Variants in IQSEC3 observed in about 807,000 individuals in gnomAD.
IQSEC3 encodes IQ motif and SEC7 domain-containing protein 3.
IQSEC3 carries 50 observed loss-of-function variants against 105.4 expected under a neutral mutation model. The ratio of observed to expected loss-of-function variants is 0.47; its 90% CI spans 0.38 to 0.60. IQSEC3 has a LOEUF of 0.60. Ranked by LOEUF, IQSEC3 falls within the 20% of genes least tolerant of loss-of-function variation. The pLI, the probability that IQSEC3 is intolerant of heterozygous loss-of-function variation, is 0.00. For synonymous variants in IQSEC3, 708 were observed against 746.0 expected (o/e 0.95, Z 0.83); for missense variants, 1,415 against 1,630.0 (o/e 0.87, Z 2.27).
Position 175,013 on chromosome 12 carries a change from G to A in IQSEC3, c.3529G>A (p.Gly1177Ser). Residue 1177 changes from glycine to serine, a missense_variant, in exon 14 of 14, where the codon GGC becomes AGC. Gly to Ser is a moderately conservative substitution (Grantham distance 56). Transcript: ENST00000538872. ...SLLHGHRYSSGSRSLV is the reference protein window; with the variant it reads ...SLLHGHRYSSSSRSLV ...GCTGCACGGGCACCGCTACTCCAGT[G>A]GCTCAAGGAGCCTGGTGTAGACTCT... 1 of 1,560,860 alleles carries A rather than the reference G, an allele frequency of 6.4e-7. No individual in the cohort carries two copies. The highest frequency in any genetic ancestry group is 8.6e-7 in the Non-Finnish European group (1 of 1,161,280).
chr12:126,192 G>A (rs765268419), intron 3 of IQSEC3, among the ~76,000 whole-genome samples: 22 of 152,156 alleles, frequency 1.4e-4, no homozygotes, highest in Non-Finnish European at 2.5e-4. Context: ...AGCCTCCACC[G>A]CCCCACTGAC....
rs375388292 is a variant in IQSEC3, at chr12:138,479, G to A, written c.1116G>A (p.Glu372=). 1.0e-5 allele frequency: 16 copies of A among 1,596,990 alleles called. No homozygotes were observed. In the African/African-American group the frequency reaches 2.0e-4, roughly 20 times the overall value. The change falls in exon 4 of 14, where the codon GAG becomes GAA. Residue 372 remains glutamate, a synonymous_variant. Coordinates refer to ENST00000538872, the MANE Select transcript of IQSEC3 (RefSeq NM_001170738.2). This position sits in a 1 kb window ranked among gnomAD's most constrained non-coding sequence, Gnocchi z 7.1. ...TGGCGGCCGAGAAAGCGCTCATGGA[G>A]GGCTACGGCCTCGTGGGGCTGCCGC... ...ESLAAEKALM[E]GYGLVGLPLV...
chr12:125,820 G>C lies in IQSEC3; in HGVS notation c.811G>C (p.Gly271Arg). The C allele has an allele frequency of 6.5e-7, 1 of 1,528,922 alleles. No individual in the cohort carries two copies. The highest frequency in any genetic ancestry group is 1.2e-5 in the South Asian group (1 of 83,612). The allele number at this position is 1,528,922 out of a possible 1,614,324, so 94.7% of individuals were successfully genotyped here. Residue 271 changes from glycine to arginine, a missense_variant, in exon 3 of 14, where the codon GGC becomes CGC. Gly to Arg is a moderately radical substitution (Grantham distance 125). Coordinates refer to ENST00000538872, the MANE Select transcript of IQSEC3 (RefSeq NM_001170738.2). ...TGGCCCCCAGCACAAGGCCTCCCCCGGCCGGCAGCAGCCTGCCCTGGCGAC... is the reference window on the plus strand; with the variant it reads ...TGGCCCCCAGCACAAGGCCTCCCCCCGCCGGCAGCAGCCTGCCCTGGCGAC... Reference protein sequence around the residue: ...RAGPQHKASPGRQQPALATAL... With the variant: ...RAGPQHKASPRRQQPALATAL...
At chr12:145,919 T>C (rs1393785108) in intron 5 of IQSEC3, among the ~76,000 whole-genome samples, 2 of 152,188 alleles carry the variant, frequency 1.3e-5, no homozygotes, top group African/African-American at 4.8e-5. Flanking sequence ...GTGTCTACCA[T>C]CTCCATGAAA....
chr12:73,270 T>C (rs1315859672), intron 1 of IQSEC3, among the ~76,000 whole-genome samples: 5 of 152,248 alleles, frequency 3.3e-5, no homozygotes, highest in African/African-American at 4.8e-5. Flanking sequence ...AGACGTCGCC[T>C]TCACTGTTTA....
Position 165,908 on chromosome 12 carries a change from C to T in IQSEC3, c.2971+18C>T, listed in dbSNP as rs782428924. ...AATAGAGTGTAAGGACACGGGCTCCCGAGGCAGCTGGTGGGGGTTCCCATT... is the reference window on the plus strand; with the variant it reads ...AATAGAGTGTAAGGACACGGGCTCCTGAGGCAGCTGGTGGGGGTTCCCATT... On this transcript the variant is annotated intron_variant, in intron 11 of 13. Transcript: ENST00000538872. 8.7e-6 allele frequency: 14 copies of T among 1,606,936 alleles called. No homozygotes were observed. Among genetic ancestry groups the T allele is most frequent in the East Asian group, 2.2e-5 (1 of 44,714 alleles).
rs146355193 is a variant in IQSEC3, at chr12:176,313, C to T, written c.*1280C>T. The T allele has an allele frequency of 0.011, 1,718 of 152,474 alleles. 26 individuals are homozygous for T. Among genetic ancestry groups the T allele is most frequent in the African/African-American group, 0.039 (1,608 of 41,524 alleles). 9.4% of individuals were successfully genotyped at this position (152,474 alleles called of 1,614,324 possible). A position where few individuals can be genotyped will look rare whatever the true frequency, so the allele number is the denominator to read the frequency against. ...GGGGAAGGGCCCCTCCCCAGCCAGACGAGAGGCAGCCACCCCAGAGACCAC... is the reference window on the plus strand; with the variant it reads ...GGGGAAGGGCCCCTCCCCAGCCAGATGAGAGGCAGCCACCCCAGAGACCAC... On this transcript the variant is annotated 3_prime_UTR_variant, in exon 14 of 14. Coordinates refer to ENST00000538872, the MANE Select transcript of IQSEC3 (RefSeq NM_001170738.2). The surrounding 1 kb of genome is among the most constrained non-coding windows in gnomAD (Gnocchi z 4.0).
chr12:174,966 A>G lies in IQSEC3; in HGVS notation c.3482A>G (p.Gln1161Arg). The G allele has an allele frequency of 7.6e-6, 9 of 1,177,530 alleles. No individual in the cohort carries two copies. The highest frequency in any genetic ancestry group is 9.9e-6 in the Non-Finnish European group (9 of 912,512). The allele number at this position is 1,177,530 out of a possible 1,614,324, so 72.9% of individuals were successfully genotyped here. The change falls in exon 14 of 14, where the codon CAG (glutamine) becomes CGG (arginine). Residue 1161 changes from glutamine (Q) to arginine (R), a missense_variant. Coordinates refer to ENST00000538872, the MANE Select transcript of IQSEC3 (RefSeq NM_001170738.2). ...PPPPPYNHPH[Q>R]FCPPGSLLHG... is the part of the protein sequence containing the mutation. ...CCACCCCCCTACAACCACCCTCACCAGTTCTGTCCCCCAGGCTCCCTGCTG... is the reference window on the plus strand; with the variant it reads ...CCACCCCCCTACAACCACCCTCACCGGTTCTGTCCCCCAGGCTCCCTGCTG...
intron 1 of IQSEC3, among the ~76,000 whole-genome samples, chr12:95,743 CT>C (rs1213679366): frequency 6.6e-6 from 1 of 152,158 alleles, no homozygotes; most frequent in Admixed American, 6.5e-5. Context: ...CTGCAACTTG[CT>C]TTTCTCATTT....
intron 2 of IQSEC3, among the ~76,000 whole-genome samples, chr12:113,500 C>T (rs1311223935): frequency 6.6e-6 from 1 of 152,216 alleles, no homozygotes; most frequent in Non-Finnish European, 1.5e-5. Context: ...TGTCACCTTG[C>T]TCACTCCCCA....
chr12:117,420 G>A (rs889097843), intron 2 of IQSEC3, among the ~76,000 whole-genome samples: 3 of 152,234 alleles, frequency 2.0e-5, no homozygotes, highest in Admixed American at 1.3e-4. Context: ...GATGGCACTC[G>A]CCAGTATGGC....
intron 5 of IQSEC3, among the ~76,000 whole-genome samples, chr12:146,374 G>A (rs1053014372): frequency 2.0e-5 from 3 of 152,202 alleles, no homozygotes; most frequent in Non-Finnish European, 4.4e-5. Context: ...GCAGCACTTT[G>A]GGAGGCCAAG....
At position 157,511 on chromosome 12, in the gene IQSEC3, A is replaced by T. The variant is rs561166741; in HGVS notation, c.2277-17A>T. 6.2e-7 allele frequency: 1 copy of T among 1,604,436 alleles called. No individual in the cohort carries two copies. Among genetic ancestry groups the T allele is most frequent in the East Asian group, 2.2e-5 (1 of 44,832 alleles). ...GGCGGGGGCTCAGCGTCCGCTCTGC[A>T]TCTGACCCCCCCACAGCCAGCGCTA... On this transcript the variant is annotated splice_polypyrimidine_tract_variant and intron_variant, in intron 6 of 13. Coordinates refer to ENST00000538872, the MANE Select transcript of IQSEC3 (RefSeq NM_001170738.2).
At chr12:134,705 G>GC (rs1385000149) in intron 3 of IQSEC3, among the ~76,000 whole-genome samples, 7 of 151,758 alleles carry the variant, frequency 4.6e-5, no homozygotes, top group Admixed American at 4.6e-4. Context: ...GTCCAGCCTG[G>GC]CCAACATAGC....
rs1473410196 is a variant in IQSEC3, at chr12:166,051, G to A, written c.2971+161G>A. The A allele has an allele frequency of 2.0e-5, 14 of 703,100 alleles. No homozygotes were observed. In the Admixed American group the frequency reaches 3.6e-4, roughly 18 times the overall value. 43.6% of individuals were successfully genotyped at this position (703,100 alleles called of 1,614,324 possible). On this transcript the variant is annotated intron_variant, in intron 11 of 13. Coordinates refer to ENST00000538872, the MANE Select transcript of IQSEC3 (RefSeq NM_001170738.2). ...CCACACTCCCACAGCCCGGGTGGGA[G>A]CACCGGTTCCCATGTTTCTTCACAA...
At chr12:125,977 G>C (rs11610983) in intron 3 of IQSEC3, 65 bp downstream of exon 3, 818,128 of 1,471,748 alleles carry the variant, frequency 0.56, 238,841 homozygotes, top group Non-Finnish European at 0.61. Flanking sequence ...GGGCTGTCGA[G>C]GGTACCAGGG....
chr12:67,439 G>T lies in IQSEC3; in HGVS notation c.554+3G>T, dbSNP rs1200747427. Reference sequence around the variant, plus strand: ...GGCGTCCTGAGCAGGAGACCTGAGTGAGCGGGGAGAGGAGATGGGCACTGT... The same window carrying T: ...GGCGTCCTGAGCAGGAGACCTGAGTTAGCGGGGAGAGGAGATGGGCACTGT... On this transcript the variant is annotated splice_donor_region_variant and intron_variant, in intron 1 of 13. Coordinates refer to ENST00000538872, the MANE Select transcript of IQSEC3 (RefSeq NM_001170738.2). The T allele has an allele frequency of 6.3e-7, 1 of 1,597,752 alleles. No homozygotes were observed. The highest frequency in any genetic ancestry group is 8.5e-7 in the Non-Finnish European group (1 of 1,179,642).
At chr12:155,400 G>A (rs1353841049) in intron 5 of IQSEC3, among the ~76,000 whole-genome samples, 1 of 152,240 alleles carries the variant, frequency 6.6e-6, no homozygotes, top group Non-Finnish European at 1.5e-5. Flanking sequence ...ATAGCCTGAA[G>A]ATGGCCATGG....
At chr12:94,522 G>A (rs1864186531) in intron 1 of IQSEC3, among the ~76,000 whole-genome samples, 1 of 152,230 alleles carries the variant, frequency 6.6e-6, no homozygotes, top group Non-Finnish European at 1.5e-5. Flanking sequence ...GTGGATGGAG[G>A]AGCGCAGAGG....
Sources: gnomAD v4.1 joint callset for allele counts (sites outside exome capture counted in the v4.1 genomes callset) on GRCh38, gnomAD v4.1.1 for gene constraint, Gnocchi (gnomAD v3.1) non-coding constraint, MANE v1.5 for transcripts, NCBI Gene and HGNC (gene_info 2026-07-23, HGNC 2026-07-21) for gene names.